Variants in UBAP2 observed in about 807,000 individuals in gnomAD.
UBAP2 encodes the protein ubiquitin associated protein 2.
In UBAP2, 75 loss-of-function variants were observed where a neutral mutation model predicts 139.6. The observed-to-expected ratio is 0.54, with a 90% CI of 0.45 to 0.65. UBAP2 has a LOEUF of 0.65. Ranked by LOEUF, UBAP2 falls within the 30% of genes least tolerant of loss-of-function variation. UBAP2 has a pLI of 0.00. For synonymous variants in UBAP2, 526 were observed against 526.2 expected (o/e 1.00, Z 0.01); for missense variants, 1,368 against 1,369.6 (o/e 1.00, Z 0.02).
rs1319732211 is a variant in UBAP2 at position 33,922,386 on chromosome 9, G to A, written c.*118C>T. ...GTCTGGGAGGCAGACTCCCCACAGA[G>A]GCATGGCTGACACATGTCGGGAATT... On this transcript the variant is annotated 3_prime_UTR_variant, in exon 29 of 29. Transcript: ENST00000379238. 2 of 970,878 alleles carry A rather than the reference G, an allele frequency of 2.1e-6. No individual in the cohort carries two copies. Among genetic ancestry groups the A allele is most frequent in the Non-Finnish European group, 3.2e-6 (2 of 619,598 alleles). 60.1% of individuals were successfully genotyped at this position (970,878 alleles called of 1,614,324 possible).
chr9:33,999,198 T>C (rs1052638950), intron 2 of UBAP2, among the ~76,000 whole-genome samples: 1 of 151,896 alleles, frequency 6.6e-6, no homozygotes, highest in African/African-American at 2.4e-5. Context: ...AATAATAAAA[T>C]CTTGGCGGGG....
At chr9:33,943,191 T>C (rs1825380974) in intron 15 of UBAP2, among the ~76,000 whole-genome samples, 2 of 152,208 alleles carry the variant, frequency 1.3e-5, no homozygotes, top group African/African-American at 2.4e-5. Flanking sequence ...AAGATTCCAG[T>C]TATATGAAAT....
At chr9:33,981,554 A>C (rs1820758540) in intron 6 of UBAP2, among the ~76,000 whole-genome samples, 1 of 149,456 alleles carries the variant, frequency 6.7e-6, no homozygotes, top group South Asian at 2.1e-4. Context: ...AAAGCCTGCT[A>C]CATTGTCCAC....
rs369362609 is a variant in UBAP2, at chr9:33,944,589, G to T, written c.1321C>A (p.Arg441=). 7 of 1,613,998 alleles carry T rather than the reference G, an allele frequency of 4.3e-6. No homozygotes were observed. The highest frequency in any genetic ancestry group is 1.3e-5 in the African/African-American group (1 of 74,904). ...ACTGCCTGGCTCTGGTGCTGTTGTC[G>T]CTGGCTCAACTGGCTAAGAACTGGG... ...PSPVLSQLSQ[R]QQHQSQAVTV... Residue 441 remains arginine (R), a synonymous_variant, in exon 14 of 29, where the codon CGA becomes AGA. Transcript: ENST00000379238.
chr9:33,959,934 G>A (rs982547752), intron 10 of UBAP2, among the ~76,000 whole-genome samples: 2 of 151,870 alleles, frequency 1.3e-5, no homozygotes, highest in African/African-American at 2.4e-5. Flanking sequence ...TTAACACCTG[G>A]TAAATTTTGT....
intron 19 of UBAP2, among the ~76,000 whole-genome samples, chr9:33,929,156 C>T (rs1026236206): frequency 6.6e-6 from 1 of 152,222 alleles, no homozygotes; most frequent in African/African-American, 2.4e-5. Flanking sequence ...TCCCCACCAA[C>T]TGCCACAGAA....
Position 33,948,462 on chromosome 9 carries a change from T to C in UBAP2, c.1182A>G (p.Thr394=), listed in dbSNP as rs750818508. The C allele has an allele frequency of 2.5e-6, 4 of 1,614,220 alleles. No individual in the cohort carries two copies. The highest frequency in any genetic ancestry group is 3.4e-6 in the Non-Finnish European group (4 of 1,180,038). Residue 394 remains threonine, a synonymous_variant, in exon 13 of 29, where the codon ACA becomes ACG. Transcript: ENST00000379238. ...TAGGGTGACTTGTACTATTCTGCTG[T>C]GTACTTGGGGTGGTGGTAAACTGGC... is the stretch of plus-strand genomic sequence containing the variant. The part of the protein sequence containing the change: ...SLGQFTTTPS[T]QQNSTSHPTT...
chr9:33,952,015 TC>T (rs1826144718), intron 12 of UBAP2, among the ~76,000 whole-genome samples: 1 of 152,032 alleles, frequency 6.6e-6, no homozygotes, highest in South Asian at 2.1e-4. Flanking sequence ...AAACACCAAG[TC>T]CCCAAGCCCA....
chr9:33,985,894 C>T (rs545229990), intron 6 of UBAP2, among the ~76,000 whole-genome samples: 1 of 149,794 alleles, frequency 6.7e-6, no homozygotes, highest in Admixed American at 6.7e-5. Flanking sequence ...TGGTGGCGTG[C>T]ACCTGTAGTC....
intron 1 of UBAP2, among the ~76,000 whole-genome samples, chr9:34,022,792 T>C (rs2131301412): frequency 6.6e-6 from 1 of 152,230 alleles, no homozygotes; most frequent in Non-Finnish European, 1.5e-5. Context: ...GAATTAAGCA[T>C]CTAATCAAAA....
At position 33,954,390 on chromosome 9, in the gene UBAP2, C is replaced by A. The variant is rs1177151309; in HGVS notation, c.867-916G>T. 2.0e-5 allele frequency among the ~76,000 whole-genome samples: 3 copies of A among 151,976 alleles called. No homozygotes were observed. In the East Asian group the frequency reaches 5.8e-4, roughly 29 times the overall value. On this transcript the variant is annotated intron_variant, in intron 11 of 28. Coordinates refer to ENST00000379238, the MANE Select transcript of UBAP2 (RefSeq NM_001370062.2). ...GTTAACCAGAACTCTTAAAACACCC[C>A]CCAGACAGATATTCCAATTTGGACT... is the stretch of plus-strand genomic sequence containing the variant.
Position 33,927,084 on chromosome 9 carries a change from T to C in UBAP2, c.2372-4A>G. The C allele has an allele frequency of 1.2e-6, 2 of 1,605,290 alleles. No individual in the cohort carries two copies. The stretch of plus-strand genomic sequence containing the variant: ...GGTAAGTTTGGGGGTGCTTTGCCTG[T>C]ATAGAGGGAAAAATCAAATGGAGTG... On this transcript the variant is annotated splice_polypyrimidine_tract_variant and splice_region_variant and intron_variant, in intron 20 of 28. Transcript: ENST00000379238.
chr9:34,039,185 G>A (rs1374362887), intron 1 of UBAP2, among the ~76,000 whole-genome samples: 1 of 151,138 alleles, frequency 6.6e-6, no homozygotes, highest in Non-Finnish European at 1.5e-5. Context: ...CTTCCGGGAG[G>A]GAGGTGGGGG....
At chr9:34,043,849 C>T (rs1415148521) in intron 1 of UBAP2, among the ~76,000 whole-genome samples, 2 of 151,376 alleles carry the variant, frequency 1.3e-5, no homozygotes, top group African/African-American at 4.9e-5. Flanking sequence ...AAAAAAAGGC[C>T]AGGCACAGTG....
At chr9:34,008,177 G>C (rs1279762929) in intron 2 of UBAP2, among the ~76,000 whole-genome samples, 5 of 152,018 alleles carry the variant, frequency 3.3e-5, no homozygotes, top group African/African-American at 1.2e-4. Context: ...GCCGGGCCGG[G>C]CATGGTGGCG....
intron 15 of UBAP2, 51 bp downstream of exon 15, chr9:33,943,369 G>A: frequency 6.4e-7 from 1 of 1,559,942 alleles, no homozygotes; most frequent in Non-Finnish European, 8.8e-7. Context: ...TCCACCAGTT[G>A]ATCTCTCTTA....
intron 1 of UBAP2, among the ~76,000 whole-genome samples, chr9:34,018,858 G>A (rs987431755): frequency 6.1e-5 from 6 of 98,778 alleles, no homozygotes; most frequent in African/African-American, 1.2e-4. Context: ...GCAAGACTCC[G>A]TCTCAAAATA....
chr9:33,969,021 T>C (rs1441095797), intron 8 of UBAP2, among the ~76,000 whole-genome samples: 1 of 152,252 alleles, frequency 6.6e-6, no homozygotes, highest in Non-Finnish European at 1.5e-5. Flanking sequence ...TTTTTATGGC[T>C]GAACATTATT....
At chr9:34,030,364 G>C (rs1194008415) in intron 1 of UBAP2, among the ~76,000 whole-genome samples, 3 of 152,054 alleles carry the variant, frequency 2.0e-5, no homozygotes, top group African/African-American at 7.2e-5. Context: ...CAGGAGAATG[G>C]CGTGAACCCG....
Sources: allele counts gnomAD v4.1 joint callset (sites outside exome capture counted in the v4.1 genomes callset), GRCh38; gene constraint gnomAD v4.1.1; transcripts MANE v1.5; gene names NCBI Gene and HGNC (gene_info 2026-07-23, HGNC 2026-07-21).